PPARG: variants seen among roughly 807,000 people sequenced by gnomAD.
The protein encoded by PPARG is peroxisome proliferator activated receptor gamma.
A neutral mutation model predicts 39.2 loss-of-function variants in PPARG; 17 were observed. The ratio of observed to expected loss-of-function variants is 0.43; its 90% CI spans 0.30 to 0.65. PPARG has a LOEUF of 0.65. Among genes scored for constraint, PPARG ranks in the 30% least tolerant of loss-of-function variants. The probability of loss-of-function intolerance (pLI) is 0.13; values close to 1 mark genes in which losing one functional copy is unlikely to be tolerated. For missense variants in PPARG, 406 were observed against 585.9 expected, an observed-to-expected ratio of 0.69 and a Z score of 3.17; for synonymous variants, 223 against 215.7, an observed-to-expected ratio of 1.03 and a Z score of -0.30.
intron 2 of PPARG, among the ~76,000 whole-genome samples, chr3:12,340,144 C>CACAGAATGAGA (rs1400286707): frequency 6.6e-6 from 1 of 152,226 alleles, no homozygotes; most frequent in Non-Finnish European, 1.5e-5. Flanking sequence ...TATGAGATTA[C>CACAGAATGAGA]ACAGAATGAG....
At chr3:12,315,262 T>C (rs1022490338) in intron 2 of PPARG, among the ~76,000 whole-genome samples, 7 of 152,254 alleles carry the variant, frequency 4.6e-5, no homozygotes, top group Admixed American at 1.3e-4. Flanking sequence ...CATGTTGTCA[T>C]GAATGACAGG....
At chr3:12,389,557 A>T (rs777551561) in intron 4 of PPARG, among the ~76,000 whole-genome samples, 2 of 152,204 alleles carry the variant, frequency 1.3e-5, no homozygotes, top group Admixed American at 6.5e-5. Flanking sequence ...TGGAATTCAA[A>T]GTGTTAAGAG....
intron 4 of PPARG, 25 bp from the exon 5 acceptor site, chr3:12,392,589 T>G: frequency 6.2e-7 from 1 of 1,613,280 alleles, no homozygotes; most frequent in Non-Finnish European, 8.5e-7. Flanking sequence ...GACTTAAAAT[T>G]TGCTTCTTTT....
At chr3:12,411,418 A>T (rs936522964) in intron 6 of PPARG, among the ~76,000 whole-genome samples, 2 of 152,176 alleles carry the variant, frequency 1.3e-5, no homozygotes, top group Admixed American at 1.3e-4. Context: ...CTTCACTTCT[A>T]TCACACACAG....
intron 2 of PPARG, among the ~76,000 whole-genome samples, chr3:12,317,710 T>C (rs949277044): frequency 1.3e-5 from 2 of 152,244 alleles, no homozygotes; most frequent in Non-Finnish European, 2.9e-5. Flanking sequence ...GAGGAATTTC[T>C]TTGTTAAAGT....
chr3:12,418,163 C>T (rs2051141607), intron 7 of PPARG, among the ~76,000 whole-genome samples: 1 of 152,046 alleles, frequency 6.6e-6, no homozygotes, highest in Admixed American at 6.6e-5. Context: ...GAGATGAGGT[C>T]TCATTATGTT....
chr3:12,344,299 T>G (rs1335442616), intron 2 of PPARG, among the ~76,000 whole-genome samples: 1 of 152,158 alleles, frequency 6.6e-6, no homozygotes, highest in East Asian at 1.9e-4. Flanking sequence ...GTCTTCTTAC[T>G]TTTACTAATG....
chr3:12,433,896 A>G lies in PPARG; in HGVS notation c.1181-2A>G. 1 of 1,614,132 alleles carries G rather than the reference A, an allele frequency of 6.2e-7. No individual in the cohort carries two copies. The highest frequency in any genetic ancestry group is 8.5e-7 in the Non-Finnish European group (1 of 1,180,040). ...TTGTGTTTTCCATATGTGCTTCCCC[A>G]GACCGCCCAGGTTTGCTGAATGTGA... is the stretch of plus-strand genomic sequence containing the variant. On this transcript the variant is annotated splice_acceptor_variant, in intron 7 of 7. Coordinates refer to ENST00000651735, the MANE Select transcript of PPARG (RefSeq NM_138711.6). LOFTEE classifies it high-confidence loss of function.
intron 5 of PPARG, among the ~76,000 whole-genome samples, chr3:12,404,126 G>C (rs1034599585): frequency 1.3e-5 from 2 of 152,110 alleles, no homozygotes; most frequent in African/African-American, 4.8e-5. Flanking sequence ...AGTGAGTAGG[G>C]AACAGGATTT....
intron 2 of PPARG, among the ~76,000 whole-genome samples, chr3:12,319,512 C>A (rs2047479721): frequency 6.6e-6 from 1 of 152,082 alleles, no homozygotes. Flanking sequence ...TTTAAGCAAT[C>A]TATTATGAAT....
At chr3:12,348,062 C>A (rs543642805) in intron 2 of PPARG, among the ~76,000 whole-genome samples, 1 of 152,240 alleles carries the variant, frequency 6.6e-6, no homozygotes, top group Non-Finnish European at 1.5e-5. Flanking sequence ...TTTAAAAATT[C>A]ATATTCATTC....
chr3:12,361,088 C>T (rs2048832561), intron 2 of PPARG, among the ~76,000 whole-genome samples: 1 of 152,266 alleles, frequency 6.6e-6, no homozygotes, highest in East Asian at 1.9e-4. Context: ...GTCTTTTTCA[C>T]GTTAGCCATT....
At chr3:12,413,674 G>A (rs1283840509) in intron 6 of PPARG, among the ~76,000 whole-genome samples, 1 of 151,918 alleles carries the variant, frequency 6.6e-6, no homozygotes, top group Non-Finnish European at 1.5e-5. Context: ...AAAAAAAATT[G>A]CCGGGCGTGG....
chr3:12,375,095 G>A (rs2049359995), intron 2 of PPARG, among the ~76,000 whole-genome samples: 1 of 152,100 alleles, frequency 6.6e-6, no homozygotes, highest in African/African-American at 2.4e-5. Context: ...GTAATAAGAA[G>A]CATGACTTTG....
At chr3:12,329,753 C>T (rs1428918537) in intron 2 of PPARG, among the ~76,000 whole-genome samples, 2 of 152,118 alleles carry the variant, frequency 1.3e-5, no homozygotes, top group African/African-American at 2.4e-5. Flanking sequence ...AAAGCTTTTT[C>T]ATCACCCAAA....
chr3:12,304,803 G>A (rs1206432822), intron 1 of PPARG, among the ~76,000 whole-genome samples: 2 of 152,156 alleles, frequency 1.3e-5, no homozygotes, highest in African/African-American at 4.8e-5. Flanking sequence ...AAGAAGCAAA[G>A]ATAGTTTCTT....
Position 12,399,820 on chromosome 3 carries a change from C to CAAA in PPARG, c.530-6044_530-6042dup, listed in dbSNP as rs36025945. Among the ~76,000 whole-genome samples, 415 of 103,074 alleles carry CAAA rather than the reference C, an allele frequency of 4.0e-3. 5 individuals are homozygous for CAAA. Among genetic ancestry groups the CAAA allele is most frequent in the South Asian group, 6.7e-3 (19 of 2,840 alleles). 67.6% of individuals were successfully genotyped at this position (103,074 alleles called of 152,430 possible). A position where few individuals can be genotyped will look rare whatever the true frequency, so the allele number is the denominator to read the frequency against. ...AGTTTTGGCGAGATCCCATGTCTAC[C>CAAA]AAAAAAAAAAAAAAAAAAAATTAGC... is the stretch of plus-strand genomic sequence containing the variant. On this transcript the variant is annotated intron_variant, in intron 5 of 7. Coordinates refer to ENST00000651735, the MANE Select transcript of PPARG (RefSeq NM_138711.6).
intron 4 of PPARG, among the ~76,000 whole-genome samples, chr3:12,386,828 TCATTTA>T (rs1320009448): frequency 2.6e-5 from 4 of 152,168 alleles, no homozygotes; most frequent in Non-Finnish European, 5.9e-5. Context: ...CATCAACTTG[TCATTTA>T]CATTAGGTAT....
intron 3 of PPARG, among the ~76,000 whole-genome samples, chr3:12,380,229 C>T (rs1432681082): frequency 6.6e-6 from 1 of 151,544 alleles, no homozygotes; most frequent in East Asian, 1.9e-4. Flanking sequence ...AGTTGTATCT[C>T]AGGCTAAGAG....
Sources: gnomAD v4.1 joint callset for allele counts (sites outside exome capture counted in the v4.1 genomes callset) on GRCh38, gnomAD v4.1.1 for gene constraint, MANE v1.5 for transcripts, NCBI Gene and HGNC (gene_info 2026-07-23, HGNC 2026-07-21) for gene names.